ACO2: variants seen among roughly 807,000 people sequenced by gnomAD.
ACO2 encodes the protein aconitase 2, also known as aconitate hydratase, mitochondrial.
A neutral mutation model predicts 84.5 loss-of-function variants in ACO2; 31 were observed. That is an observed-to-expected ratio of 0.37 (90% CI 0.28 to 0.50). The LOEUF (loss-of-function observed/expected upper bound fraction) is 0.50, where lower values mean the gene tolerates loss of function less well. Ranked by LOEUF, ACO2 falls within the 20% of genes least tolerant of loss-of-function variation. The probability of loss-of-function intolerance (pLI) is 0.97; values close to 1 mark genes in which losing one functional copy is unlikely to be tolerated. For synonymous variants in ACO2, 414 were observed against 412.7 expected (o/e 1.00, Z -0.04); for missense variants, 685 against 1,029.3 (o/e 0.67, Z 4.58).
At chr22:41,481,994 G>T (rs1342671612) in intron 1 of ACO2, among the ~76,000 whole-genome samples, 5 of 152,200 alleles carry the variant, frequency 3.3e-5, no homozygotes. Flanking sequence ...AATCCCACTT[G>T]GCACAATTGT....
chr22:41,521,052 A>AG (rs1459917155), intron 9 of ACO2, among the ~76,000 whole-genome samples: 2 of 151,150 alleles, frequency 1.3e-5, no homozygotes, highest in Middle Eastern at 3.2e-3. Flanking sequence ...AAAAAAAAAA[A>AG]AAAAAAAGAA....
Position 41,517,647 on chromosome 22 carries a change from C to A in ACO2, c.940+16C>A. The A allele has an allele frequency of 6.2e-7, 1 of 1,608,778 alleles. No individual in the cohort carries two copies. Among genetic ancestry groups the A allele is most frequent in the Non-Finnish European group, 8.5e-7 (1 of 1,175,594 alleles). On this transcript the variant is annotated intron_variant, in intron 7 of 17. Transcript: ENST00000216254. ...GGCCGGGAAGGTGAGCTGGCAGGGGCAGGCCCGTGTGGGTGGAACAGTCAC... is the reference window on the plus strand; with the variant it reads ...GGCCGGGAAGGTGAGCTGGCAGGGGAAGGCCCGTGTGGGTGGAACAGTCAC...
chr22:41,509,285 G>T (rs1338394343), intron 3 of ACO2, among the ~76,000 whole-genome samples: 1 of 152,110 alleles, frequency 6.6e-6, no homozygotes, highest in Non-Finnish European at 1.5e-5. Context: ...AGCATTCAGA[G>T]CTCATTCCCT....
At chr22:41,512,030 A>G in intron 4 of ACO2, 62 bp downstream of exon 4, 2 of 1,360,760 alleles carry the variant, frequency 1.5e-6, no homozygotes, top group Non-Finnish European at 2.0e-6. Context: ...TTCCAGGCCT[A>G]TGGGGGGAGG....
rs2066466865 is a variant in ACO2 at position 41,515,258 on chromosome 22, T to TA, written c.526-118dup. The TA allele has an allele frequency of 6.5e-6, 8 of 1,236,312 alleles. No individual in the cohort carries two copies. The highest frequency in any genetic ancestry group is 9.4e-6 in the Non-Finnish European group (8 of 851,534). The allele number at this position is 1,236,312 out of a possible 1,614,324, so 76.6% of individuals were successfully genotyped here. On this transcript the variant is annotated intron_variant, in intron 4 of 17. Coordinates refer to ENST00000216254, the MANE Select transcript of ACO2 (RefSeq NM_001098.3). This position sits in a 1 kb window ranked among gnomAD's most constrained non-coding sequence, Gnocchi z 5.8. ...GGCCTGGATTAAATGGGGCTGCTCC[T>TA]ACCAGTTCCATCCTGGGAGAGTGGC...
rs2066437713 is a variant in ACO2, at chr22:41,512,102, T to C, written c.525+134T>C. ...GACATATCCATCAGCTCTTATGCTC[T>C]TCCTCCTTTGTTTTGAAACTGATTT... On this transcript the variant is annotated intron_variant, in intron 4 of 17. Coordinates refer to ENST00000216254, the MANE Select transcript of ACO2 (RefSeq NM_001098.3). 2.9e-5 allele frequency: 17 copies of C among 583,556 alleles called. No homozygotes were observed. In the South Asian group the frequency reaches 3.9e-4, roughly 14 times the overall value. 36.1% of individuals were successfully genotyped at this position (583,556 alleles called of 1,614,324 possible). A position where few individuals can be genotyped will look rare whatever the true frequency, so the allele number is the denominator to read the frequency against.
chr22:41,522,367 AG>A (rs2066533734), intron 9 of ACO2, among the ~76,000 whole-genome samples: 1 of 152,212 alleles, frequency 6.6e-6, no homozygotes, highest in Admixed American at 6.5e-5. Context: ...CTGTCTAGAC[AG>A]AAAGTGCGAT....
intron 1 of ACO2, among the ~76,000 whole-genome samples, chr22:41,495,740 C>G (rs2066308559): frequency 6.6e-6 from 1 of 151,508 alleles, no homozygotes; most frequent in Non-Finnish European, 1.5e-5. Context: ...CCTGCCTCAG[C>G]CTCCCGAGTA....
chr22:41,514,071 A>G (rs2066457642), intron 4 of ACO2, among the ~76,000 whole-genome samples: 1 of 152,212 alleles, frequency 6.6e-6, no homozygotes, highest in Admixed American at 6.5e-5. Context: ...TGTACGTGGC[A>G]GCATTGGCCA....
At chr22:41,528,087 A>G in intron 17 of ACO2, 65 bp downstream of exon 17, 1 of 1,608,146 alleles carries the variant, frequency 6.2e-7, no homozygotes, top group Non-Finnish European at 8.5e-7. Context: ...CCCCTCCTGC[A>G]CTGGCCCCAG....
chr22:41,498,829 C>T (rs2066333635), intron 1 of ACO2, among the ~76,000 whole-genome samples: 1 of 152,162 alleles, frequency 6.6e-6, no homozygotes, highest in Non-Finnish European at 1.5e-5. Context: ...CACGGTGGCT[C>T]ATGCCTGTAA....
At chr22:41,527,608 A>G (rs2066629383) in intron 16 of ACO2, 188 bp downstream of exon 16, 1 of 887,838 alleles carries the variant, frequency 1.1e-6, no homozygotes, top group South Asian at 1.8e-5. Context: ...GGCTTCCCGC[A>G]GGCCCTGCTT....
At chr22:41,503,633 C>T (rs1408075300) in intron 2 of ACO2, among the ~76,000 whole-genome samples, 6 of 152,112 alleles carry the variant, frequency 3.9e-5, no homozygotes, top group Non-Finnish European at 7.4e-5. Flanking sequence ...CTGGTCTGTT[C>T]TCTGTTTTCA....
chr22:41,519,510 A>G (rs2066504283), intron 8 of ACO2, among the ~76,000 whole-genome samples: 1 of 152,124 alleles, frequency 6.6e-6, no homozygotes, highest in African/African-American at 2.4e-5. Flanking sequence ...CATTTTTGTC[A>G]TGATTCCAAA....
intron 3 of ACO2, among the ~76,000 whole-genome samples, chr22:41,510,308 G>A (rs140935606): frequency 7.9e-4 from 121 of 152,286 alleles, no homozygotes; most frequent in African/African-American, 2.9e-3. Context: ...TAACACAGAC[G>A]TGTAGTCACA....
intron 1 of ACO2, among the ~76,000 whole-genome samples, chr22:41,489,254 G>T (rs1285235949): frequency 6.6e-6 from 1 of 152,090 alleles, no homozygotes; most frequent in African/African-American, 2.4e-5. Context: ...GTGTTGTCCA[G>T]GCTGGTCTCA....
At chr22:41,505,674 T>C (rs895317601) in intron 2 of ACO2, among the ~76,000 whole-genome samples, 1 of 152,048 alleles carries the variant, frequency 6.6e-6, no homozygotes, top group African/African-American at 2.4e-5. Context: ...GTTTTATACA[T>C]GAAAATACTT....
chr22:41,496,414 G>A (rs1053535972), intron 1 of ACO2, among the ~76,000 whole-genome samples: 25 of 152,076 alleles, frequency 1.6e-4, no homozygotes, highest in Admixed American at 1.4e-3. Context: ...ACTTAGGAAC[G>A]CACAGGGTAA....
At chr22:41,514,966 A>G (rs2066463909) in intron 4 of ACO2, among the ~76,000 whole-genome samples, 1 of 152,184 alleles carries the variant, frequency 6.6e-6, no homozygotes, top group Non-Finnish European at 1.5e-5. Context: ...TGGAAGAACC[A>G]CCAACCCCGA....
Sources: gnomAD v4.1 joint callset for allele counts (sites outside exome capture counted in the v4.1 genomes callset) on GRCh38, gnomAD v4.1.1 for gene constraint, Gnocchi (gnomAD v3.1) non-coding constraint, MANE v1.5 for transcripts, NCBI Gene and HGNC (gene_info 2026-07-23, HGNC 2026-07-21) for gene names.